S1PR5: variants seen among roughly 807,000 people sequenced by gnomAD.
S1PR5 encodes the protein sphingosine 1-phosphate receptor 5.
For missense variants in S1PR5, 583 were observed against 571.7 expected, an observed-to-expected ratio of 1.02 and a Z score of -0.20; for synonymous variants, 307 against 284.7, an observed-to-expected ratio of 1.08 and a Z score of -0.79.
chr19:10,513,307 A>T lies in S1PR5; in HGVS notation c.*508T>A. 1 of 315,770 alleles carries T rather than the reference A, an allele frequency of 3.2e-6. No homozygotes were observed. Among genetic ancestry groups the T allele is most frequent in the Non-Finnish European group, 5.7e-6 (1 of 174,584 alleles). 19.6% of individuals were successfully genotyped at this position (315,770 alleles called of 1,614,324 possible). A position where few individuals can be genotyped will look rare whatever the true frequency, so the allele number is the denominator to read the frequency against. On this transcript the variant is annotated 3_prime_UTR_variant, in exon 2 of 2. Coordinates refer to ENST00000333430, the MANE Select transcript of S1PR5 (RefSeq NM_030760.5). ...TCAGAGCAAAAGCGAAGTCCTCTAT[A>T]TCACCCACAAGGTCCTTCGGGAACT...
Position 10,514,585 on chromosome 19 carries a change from C to T in S1PR5, c.427G>A (p.Ala143Thr), listed in dbSNP as rs775044143. The change falls in exon 2 of 2, where the codon GCG becomes ACG. Residue 143 changes from alanine to threonine, a missense_variant. Ala to Thr is a moderately conservative substitution (Grantham distance 58, BLOSUM62 0). Coordinates refer to ENST00000333430, the MANE Select transcript of S1PR5 (RefSeq NM_030760.5). ...GTGCGCCCCCGACTGGAGACGGGCG[C>T]GGGCCCCCTGCGCGCCATGGTGAGG... ...RSLTMARRGP[A>T]PVSSRGRTLA... 5 of 1,576,546 alleles carry T rather than the reference C, an allele frequency of 3.2e-6. No homozygotes were observed. The highest frequency in any genetic ancestry group is 3.4e-6 in the Non-Finnish European group (4 of 1,163,190).
intron 1 of S1PR5, among the ~76,000 whole-genome samples, chr19:10,516,519 A>T (rs188319088): frequency 6.7e-6 from 1 of 149,778 alleles, no homozygotes; most frequent in East Asian, 2.0e-4. Flanking sequence ...AGGCGGGAGG[A>T]TCACTTGAGC....
Position 10,515,696 on chromosome 19 carries a change from G to A in S1PR5, c.-18-667C>T, listed in dbSNP as rs542899762. Among the ~76,000 whole-genome samples the A allele has an allele frequency of 5.9e-5, 9 of 152,160 alleles. No individual in the cohort carries two copies. The East Asian group carries it at 1.5e-3, about 26-fold the overall frequency. On this transcript the variant is annotated intron_variant, in intron 1 of 1. Coordinates refer to ENST00000333430, the MANE Select transcript of S1PR5 (RefSeq NM_030760.5). ...TAATTCCAGCACTTTGGGAGGCTGA[G>A]GCGGGAGGATTGTTTGAGGCCCAGG...
chr19:10,513,789 G>A lies in S1PR5; in HGVS notation c.*26C>T, dbSNP rs1446117412. 1.2e-6 allele frequency: 2 copies of A among 1,603,606 alleles called. No individual in the cohort carries two copies. The highest frequency in any genetic ancestry group is 3.5e-5 in the Admixed American group (2 of 57,080). ...TAAAAAGAACAAGTCTGTAAAACTT[G>A]GGAAGACAGTCGTGGGCCGAGGGTG... On this transcript the variant is annotated 3_prime_UTR_variant, in exon 2 of 2. Transcript: ENST00000333430.
chr19:10,517,642 G>A, upstream of S1PR5: 1 of 985,428 alleles, frequency 1.0e-6, no homozygotes, highest in Non-Finnish European at 1.2e-6. Flanking sequence ...CGAGCCCTCA[G>A]CTGCCCCCTC....
intron 1 of S1PR5, 79 bp from the exon 2 acceptor site, chr19:10,515,108 G>A (rs1012408686): frequency 1.3e-6 from 2 of 1,497,662 alleles, no homozygotes; most frequent in Non-Finnish European, 1.8e-6. Flanking sequence ...TCGTGGGAAA[G>A]GGGCCCTACC....
intron 1 of S1PR5, 90 bp from the exon 2 acceptor site, chr19:10,515,119 C>T: frequency 6.8e-7 from 1 of 1,479,348 alleles, no homozygotes; most frequent in South Asian, 1.4e-5. Context: ...GGGCCCTACC[C>T]ACTGACCATC....
chr19:10,514,666 A>C lies in S1PR5; in HGVS notation c.346T>G (p.Phe116Val). The stretch of plus-strand genomic sequence containing the variant: ...AGCACGGACGCAGTGAGTGCCACGA[A>C]GACGCCTCCCTCCCGTGCGAACCAG... ...ALWFAREGGV[F>V]VALTASVLSL... The change falls in exon 2 of 2, where the codon TTC becomes GTC. Residue 116 changes from phenylalanine to valine, a missense_variant. Coordinates refer to ENST00000333430, the MANE Select transcript of S1PR5 (RefSeq NM_030760.5). 1 of 1,606,934 alleles carries C rather than the reference A, an allele frequency of 6.2e-7. No homozygotes were observed. Among genetic ancestry groups the C allele is most frequent in the Non-Finnish European group, 8.5e-7 (1 of 1,178,328 alleles).
In S1PR5 at chr19:10,513,965, G is replaced by A. The variant is rs1445974501; in HGVS notation, c.1047C>T (p.Arg349=). 6.3e-7 allele frequency: 1 copy of A among 1,599,600 alleles called. No homozygotes were observed. Residue 349 remains arginine (R), a synonymous_variant, in exon 2 of 2, where the codon CGC becomes CGT. Transcript: ENST00000333430. ...ASAAEASGGL[R]RCLPPGLDGS... is the part of the protein sequence containing the mutation. ...CATCAAGGCCCGGGGGCAGGCAGCG[G>A]CGCAGGCCCCCGGAAGCCTCAGCCG...
chr19:10,513,860 T>C lies in S1PR5; in HGVS notation c.1152A>G (p.Ala384=), dbSNP rs1915345613. Reference sequence around the variant, plus strand: ...ATACCAGAGTCCGGGCGGCTGTGGGTGCACCGGGGCTGCCTGTGGAGCCGC... The same window carrying C: ...ATACCAGAGTCCGGGCGGCTGTGGGCGCACCGGGGCTGCCTGTGGAGCCGC... ...DTSGSTGSPG[A]PTAARTLVSE... is the part of the protein sequence containing the mutation. The change falls in exon 2 of 2, where the codon GCA becomes GCG. Residue 384 remains alanine, a synonymous_variant. Coordinates refer to ENST00000333430, the MANE Select transcript of S1PR5 (RefSeq NM_030760.5). 3.1e-6 allele frequency: 5 copies of C among 1,611,966 alleles called. No individual in the cohort carries two copies. The African/African-American group carries it at 6.7e-5, about 22-fold the overall frequency.
Position 10,514,712 on chromosome 19 carries a change from C to A in S1PR5, c.300G>T (p.Thr100=), listed in dbSNP as rs768248083. 2 of 1,610,470 alleles carry A rather than the reference C, an allele frequency of 1.2e-6. No individual in the cohort carries two copies. Among genetic ancestry groups the A allele is most frequent in the East Asian group, 4.5e-5 (2 of 44,790 alleles). ...AANILLSGPL[T]LKLSPALWFA... ...ACCAGAGCGCGGGGGACAGTTTCAG[C>A]GTGAGCGGCCCCGACAGTAGGATGT... The change falls in exon 2 of 2, where the codon ACG becomes ACT. Residue 100 remains threonine, a synonymous_variant. Coordinates refer to ENST00000333430, the MANE Select transcript of S1PR5 (RefSeq NM_030760.5).
chr19:10,515,995 G>A (rs1013151839), intron 1 of S1PR5, among the ~76,000 whole-genome samples: 11 of 151,854 alleles, frequency 7.2e-5, no homozygotes, highest in East Asian at 1.9e-4. Context: ...CACACAGAAC[G>A]CACACAAACG....
chr19:10,515,060 C>A, intron 1 of S1PR5, 31 bp from the exon 2 acceptor site: 2 of 1,510,076 alleles, frequency 1.3e-6, no homozygotes, highest in Non-Finnish European at 1.8e-6. Flanking sequence ...GGTGTCAGGC[C>A]GCGGTCCCCG....
chr19:10,514,796 G>C lies in S1PR5; in HGVS notation c.216C>G (p.Phe72Leu), dbSNP rs772755266. ...GRHPRFHAPMFLLLGSLTLSD... is the reference protein window; with the variant it reads ...GRHPRFHAPMLLLLGSLTLSD... ...ACAACGTGAGGCTGCCCAGGAGCAG[G>C]AACATGGGAGCGTGGAAGCGCGGGT... is the stretch of plus-strand genomic sequence containing the variant. Residue 72 changes from phenylalanine to leucine, a missense_variant, in exon 2 of 2, where the codon TTC becomes TTG. Phe to Leu is a conservative substitution (Grantham distance 22). Transcript: ENST00000333430. 66 of 1,613,220 alleles carry C rather than the reference G, an allele frequency of 4.1e-5. No individual in the cohort carries two copies. Among genetic ancestry groups the C allele is most frequent in the Non-Finnish European group, 5.4e-5 (64 of 1,179,794 alleles).
At position 10,517,402 on chromosome 19, in the gene S1PR5, C is replaced by T. The variant is rs539753931; in HGVS notation, c.-23G>A. 798 of 985,600 alleles carry T rather than the reference C, an allele frequency of 8.1e-4. No homozygotes were observed. The highest frequency in any genetic ancestry group is 9.0e-4 in the Non-Finnish European group (750 of 830,064). 61.1% of individuals were successfully genotyped at this position (985,600 alleles called of 1,614,324 possible). A position where few individuals can be genotyped will look rare whatever the true frequency, so the allele number is the denominator to read the frequency against. ...GGTCCAGTGCAGTCCACTCACTCTGCGCCCTGGTCGTGCGCCACCCGCAGT... is the reference window on the plus strand; with the variant it reads ...GGTCCAGTGCAGTCCACTCACTCTGTGCCCTGGTCGTGCGCCACCCGCAGT... On this transcript the variant is annotated 5_prime_UTR_variant, in exon 1 of 2. Coordinates refer to ENST00000333430, the MANE Select transcript of S1PR5 (RefSeq NM_030760.5).
rs1555742591 is a variant in S1PR5 at position 10,512,925 on chromosome 19, A to AAAAAAAGAAAG, written c.*889_*890insCTTTCTTTTTT. 3 of 126,250 alleles carry AAAAAAAGAAAG rather than the reference A, an allele frequency of 2.4e-5. No homozygotes were observed. The highest frequency in any genetic ancestry group is 6.0e-5 in the African/African-American group (2 of 33,588). The allele number at this position is 126,250 out of a possible 1,614,324, so 7.8% of individuals were successfully genotyped here. ...ACAAGATCCCAACTCAAAAAAAAAA[A>AAAAAAAGAAAG]AAAGAAAGAAAGAAAGAAAAGAAAA... is the stretch of plus-strand genomic sequence containing the variant. On this transcript the variant is annotated 3_prime_UTR_variant, in exon 2 of 2. Transcript: ENST00000333430.
chr19:10,513,709 C>A lies in S1PR5; in HGVS notation c.*106G>T, dbSNP rs372549052. On this transcript the variant is annotated 3_prime_UTR_variant, in exon 2 of 2. Transcript: ENST00000333430. ...GGGTGTCGCTGCATAAATACATTTCCCCTGCATCTTTTCCGACTGCACCTT... is the reference window on the plus strand; with the variant it reads ...GGGTGTCGCTGCATAAATACATTTCACCTGCATCTTTTCCGACTGCACCTT... The A allele has an allele frequency of 1.4e-6, 2 of 1,463,816 alleles. No homozygotes were observed. The highest frequency in any genetic ancestry group is 4.2e-5 in the Admixed American group (2 of 48,024). The allele number at this position is 1,463,816 out of a possible 1,614,324, so 90.7% of individuals were successfully genotyped here.
In S1PR5 at chr19:10,514,897, C is replaced by T. The variant is rs747607768; in HGVS notation, c.115G>A (p.Asp39Asn). ...CACACCGCCAGGCACACCACGGCGTCGGCGCGCAGGCCGGCACCCGGCTGG... is the reference window on the plus strand; with the variant it reads ...CACACCGCCAGGCACACCACGGCGTTGGCGCGCAGGCCGGCACCCGGCTGG... ...RYQPGAGLRA[D>N]AVVCLAVCAF... The change falls in exon 2 of 2, where the codon GAC (aspartate) becomes AAC (asparagine). Residue 39 changes from aspartate (D) to asparagine (N), a missense_variant. Transcript: ENST00000333430. 1.1e-5 allele frequency: 18 copies of T among 1,611,452 alleles called. No homozygotes were observed. The South Asian group carries it at 2.0e-4, about 18-fold the overall frequency.
Position 10,513,946 on chromosome 19 carries a change from G to A in S1PR5, c.1066C>T (p.Leu356Phe). ...GGLRRCLPPGLDGSFSGSERS... is the reference protein window; with the variant it reads ...GGLRRCLPPGFDGSFSGSERS... Reference sequence around the variant, plus strand: ...TCCGAGCCGCTGAAGCTCCCATCAAGGCCCGGGGGCAGGCAGCGGCGCAGG... The same window carrying A: ...TCCGAGCCGCTGAAGCTCCCATCAAAGCCCGGGGGCAGGCAGCGGCGCAGG... Residue 356 changes from leucine (L) to phenylalanine (F), a missense_variant, in exon 2 of 2, where the codon CTT (leucine) becomes TTT (phenylalanine). Transcript: ENST00000333430. The A allele has an allele frequency of 6.2e-7, 1 of 1,601,860 alleles. No homozygotes were observed. Among genetic ancestry groups the A allele is most frequent in the Non-Finnish European group, 8.5e-7 (1 of 1,175,244 alleles).
Sources: gnomAD v4.1 joint callset for allele counts (sites outside exome capture counted in the v4.1 genomes callset) on GRCh38, gnomAD v4.1.1 for gene constraint, MANE v1.5 for transcripts, NCBI Gene and HGNC (gene_info 2026-07-23, HGNC 2026-07-21) for gene names.